Variants in RHOT2 observed in about 807,000 individuals in gnomAD.
RHOT2 encodes the protein ras homolog family member T2, also known as mitochondrial Rho GTPase 2.
In RHOT2, 90 loss-of-function variants were observed where a neutral mutation model predicts 81.6. The ratio of observed to expected loss-of-function variants is 1.10; its 90% confidence interval spans 0.93 to 1.31. RHOT2 has a LOEUF of 1.31. RHOT2 is among the 40% of genes most tolerant of loss of function. The pLI is 0.00. For missense variants in RHOT2, 1,014 were observed against 841.9 expected (o/e 1.20, Z -2.53); for synonymous variants, 512 against 370.9 (o/e 1.38, Z -4.37).
In RHOT2 at chr16:668,345, C is replaced by G. The variant is rs1166999191; in HGVS notation, c.38-8C>G. 1.4e-6 allele frequency: 2 copies of G among 1,396,326 alleles called. No individual in the cohort carries two copies. Among genetic ancestry groups the G allele is most frequent in the Non-Finnish European group, 1.8e-6 (2 of 1,082,128 alleles). The allele number at this position is 1,396,326 out of a possible 1,614,324, so 86.5% of individuals were successfully genotyped here. ...TGGCCCTCGCGCTGACCGCCTCGCCCCGCGCAGCCCAGGTGGGGAAGACGT... is the reference window on the plus strand; with the variant it reads ...TGGCCCTCGCGCTGACCGCCTCGCCGCGCGCAGCCCAGGTGGGGAAGACGT... On this transcript the variant is annotated splice_region_variant and splice_polypyrimidine_tract_variant and intron_variant, in intron 1 of 18. Coordinates refer to ENST00000315082, the MANE Select transcript of RHOT2 (RefSeq NM_138769.3).
At chr16:671,811 C>CCCCTG (rs1567251060) in intron 12 of RHOT2, 30 bp downstream of exon 12, 1 of 1,125,422 alleles carries the variant, frequency 8.9e-7, no homozygotes, top group Non-Finnish European at 1.3e-6. Flanking sequence ...CCTGCCCCTG[C>CCCCTG]CCCCGCCCCC....
upstream of RHOT2, chr16:668,120 G>A (rs1027567483): frequency 2.4e-6 from 1 of 416,372 alleles, no homozygotes. Flanking sequence ...AGTGCGGGGC[G>A]GGCGCGGGGG....
chr16:669,698 C>T, intron 5 of RHOT2, 92 bp downstream of exon 5: 1 of 1,324,856 alleles, frequency 7.5e-7, no homozygotes, highest in Admixed American at 1.7e-5. Flanking sequence ...AGTGCCATCG[C>T]TCACAGCATT....
Position 669,566 on chromosome 16 carries a change from G to T in RHOT2, c.236G>T (p.Cys79Phe), listed in dbSNP as rs895243353. 6.2e-6 allele frequency: 10 copies of T among 1,611,986 alleles called. No homozygotes were observed. The highest frequency in any genetic ancestry group is 1.3e-5 in the African/African-American group (1 of 74,930). The stretch of plus-strand genomic sequence containing the variant: ...CTGTTCCCTCAGGCAAACGTGGTGT[G>T]TGTGGTGTATGACGTCTCTGAGGAG... ...REEIHKANVV[C>F]VVYDVSEEAT... The change falls in exon 5 of 19, where the codon TGT becomes TTT. Residue 79 changes from cysteine to phenylalanine, a missense_variant. Coordinates refer to ENST00000315082, the MANE Select transcript of RHOT2 (RefSeq NM_138769.3).
Position 671,930 on chromosome 16 carries a change from G to A in RHOT2, c.1025G>A (p.Gly342Asp). The A allele has an allele frequency of 6.2e-7, 1 of 1,611,988 alleles. No homozygotes were observed. Among genetic ancestry groups the A allele is most frequent in the Non-Finnish European group, 8.5e-7 (1 of 1,179,824 alleles). Residue 342 changes from glycine to aspartate, a missense_variant, in exon 13 of 19, where the codon GGC becomes GAC. Transcript: ENST00000315082. Reference sequence around the variant, plus strand: ...AGTGTGTTCCCAGCAGCGCCCTGGGGCCCCGAGCTCCCACGCACAGTCCGC... The same window carrying A: ...AGTGTGTTCCCAGCAGCGCCCTGGGACCCCGAGCTCCCACGCACAGTCCGC... Reference protein sequence around the residue: ...LFSVFPAAPWGPELPRTVRTE... With the variant: ...LFSVFPAAPWDPELPRTVRTE...
rs763557999 is a variant in RHOT2, at chr16:672,247, C to T, written c.1196-7C>T. 58 of 1,611,312 alleles carry T rather than the reference C, an allele frequency of 3.6e-5. No homozygotes were observed. The highest frequency in any genetic ancestry group is 6.7e-5 in the Admixed American group (4 of 59,940). On this transcript the variant is annotated splice_polypyrimidine_tract_variant and splice_region_variant and intron_variant, in intron 14 of 18. Transcript: ENST00000315082. ...GCAGCTGCCCTAACCCGTGTCTATCCTCACAGTCACTCGTGAGAAGAGGCT... is the reference window on the plus strand; with the variant it reads ...GCAGCTGCCCTAACCCGTGTCTATCTTCACAGTCACTCGTGAGAAGAGGCT...
Position 673,663 on chromosome 16 carries a change from C to T in RHOT2, c.*57C>T. The T allele has an allele frequency of 1.3e-6, 2 of 1,566,336 alleles. No individual in the cohort carries two copies. Among genetic ancestry groups the T allele is most frequent in the Middle Eastern group, 2.3e-4 (1 of 4,282 alleles). On this transcript the variant is annotated 3_prime_UTR_variant, in exon 19 of 19. Transcript: ENST00000315082. ...CTGGGTGTGCCTCGCTGCTGGGGCT[C>T]TGCAGGGGCAGCACAGCTGGGGTGC...
At chr16:672,901 G>C (rs748261000) in intron 17 of RHOT2, 27 bp from the exon 18 acceptor site, 1 of 1,612,694 alleles carries the variant, frequency 6.2e-7, no homozygotes, top group Non-Finnish European at 8.5e-7. Flanking sequence ...CCCCAGGACT[G>C]TACCTCATAC....
rs2039022426 is a variant in RHOT2, at chr16:671,952, C to G, written c.1047C>G (p.Val349=). The G allele has an allele frequency of 1.2e-6, 2 of 1,612,344 alleles. No individual in the cohort carries two copies. Among genetic ancestry groups the G allele is most frequent in the East Asian group, 4.5e-5 (2 of 44,868 alleles). ...GGGGCCCCGAGCTCCCACGCACAGT[C>G]CGCACAGAGGCCGGCCGGTTGCCCC... is the stretch of plus-strand genomic sequence containing the variant. ...APWGPELPRT[V]RTEAGRLPLH... is the part of the protein sequence containing the mutation. The change falls in exon 13 of 19, where the codon GTC becomes GTG. Residue 349 remains valine, a synonymous_variant. Coordinates refer to ENST00000315082, the MANE Select transcript of RHOT2 (RefSeq NM_138769.3).
Position 670,539 on chromosome 16 carries a change from T to C in RHOT2, c.522T>C (p.Tyr174=). ...KAVLHPTAPL[Y]DPEAKQLRPA... is the part of the protein sequence containing the mutation. ...TCCTGCATCCCACAGCCCCCCTCTA[T>C]GACCCTGAGGCCAAGCAGGTGAGCA... The change falls in exon 8 of 19, where the codon TAT becomes TAC. Residue 174 remains tyrosine, a synonymous_variant. Transcript: ENST00000315082. The C allele has an allele frequency of 3.1e-6, 5 of 1,607,370 alleles. No homozygotes were observed. Among genetic ancestry groups the C allele is most frequent in the African/African-American group, 2.7e-5 (2 of 74,960 alleles).
In RHOT2 at chr16:668,734, G is replaced by C. The variant is rs1034509565; in HGVS notation, c.222+35G>C. 3 of 1,565,464 alleles carry C rather than the reference G, an allele frequency of 1.9e-6. No homozygotes were observed. In the Admixed American group the frequency reaches 5.9e-5, roughly 31 times the overall value. On this transcript the variant is annotated intron_variant, in intron 4 of 18. Coordinates refer to ENST00000315082, the MANE Select transcript of RHOT2 (RefSeq NM_138769.3). ...GTGCGCGGGACGAGGGAGGGGCTGG[G>C]CGCGGGCTCGGCCTAATCCGCTTCG...
intron 4 of RHOT2, 50 bp from the exon 5 acceptor site, chr16:669,503 G>C (rs537708439): frequency 1.7e-5 from 27 of 1,594,648 alleles, no homozygotes; most frequent in Non-Finnish European, 2.2e-5. Context: ...CAGGGTCGTC[G>C]GTGGTGAGCC....
Position 673,481 on chromosome 16 carries a change from C to T in RHOT2, c.1732C>T (p.His578Tyr), listed in dbSNP as rs1348476690. 1.2e-6 allele frequency: 2 copies of T among 1,612,658 alleles called. No homozygotes were observed. Among genetic ancestry groups the T allele is most frequent in the South Asian group, 1.1e-5 (1 of 91,082 alleles). Reference sequence around the variant, plus strand: ...GCAGATGATTCTTCTCTCTTGCAGACATTTGGTCCACGCAGAGCTGCATCC... The same window carrying T: ...GCAGATGATTCTTCTCTCTTGCAGATATTTGGTCCACGCAGAGCTGCATCC... ...TQLATMAAFP[H>Y]LVHAELHPSS... The change falls in exon 19 of 19, where the codon CAT becomes TAT. Residue 578 changes from histidine (H) to tyrosine (Y), a missense_variant and splice_region_variant. Physicochemically the swap from His to Tyr is moderately conservative, Grantham distance 83. Coordinates refer to ENST00000315082, the MANE Select transcript of RHOT2 (RefSeq NM_138769.3).
At chr16:670,380 C>T (rs757149710) in intron 7 of RHOT2, 23 bp downstream of exon 7, 31 of 1,610,552 alleles carry the variant, frequency 1.9e-5, no homozygotes, top group Non-Finnish European at 2.5e-5. Flanking sequence ...CAGGCAGGGC[C>T]GCCTCCTTCA....
chr16:673,631 C>G lies in RHOT2; in HGVS notation c.*25C>G. ...AGGCCCCTGGTACCCAAGCCCCCTC[C>G]CCTGACCTGGGTGTGCCTCGCTGCT... On this transcript the variant is annotated 3_prime_UTR_variant, in exon 19 of 19. Coordinates refer to ENST00000315082, the MANE Select transcript of RHOT2 (RefSeq NM_138769.3). 1 of 1,595,468 alleles carries G rather than the reference C, an allele frequency of 6.3e-7. No homozygotes were observed. Among genetic ancestry groups the G allele is most frequent in the Non-Finnish European group, 8.5e-7 (1 of 1,173,000 alleles).
Position 672,378 on chromosome 16 carries a change from C to A in RHOT2, c.1320C>A (p.Gly440=). ...TCCTGCAGGCCTTTCTCGGCCGCGG[C>A]CTGGGGGTAAGCACCCTAGACTCCC... ...SAFLQAFLGR[G]LGHQDTREQP... The change falls in exon 15 of 19, where the codon GGC becomes GGA. Residue 440 remains glycine, a synonymous_variant. Transcript: ENST00000315082. The A allele has an allele frequency of 1.2e-6, 2 of 1,609,810 alleles. No individual in the cohort carries two copies. The highest frequency in any genetic ancestry group is 1.7e-6 in the Non-Finnish European group (2 of 1,178,232).
rs2038435432 is a variant in RHOT2, at chr16:669,050, A to G, written c.222+351A>G. 1.2e-5 allele frequency: 5 copies of G among 421,104 alleles called. No homozygotes were observed. The South Asian group carries it at 1.7e-4, about 14-fold the overall frequency. 26.1% of individuals were successfully genotyped at this position (421,104 alleles called of 1,614,324 possible). A position where few individuals can be genotyped will look rare whatever the true frequency, so the allele number is the denominator to read the frequency against. On this transcript the variant is annotated intron_variant, in intron 4 of 18. Transcript: ENST00000315082. ...CCGGGCACCCGGAGCTCCCAGTACC[A>G]GAGCACGTGTGCCGGGGACATCTCC...
At chr16:669,506 G>C in intron 4 of RHOT2, 47 bp from the exon 5 acceptor site, 4 of 1,599,764 alleles carry the variant, frequency 2.5e-6, no homozygotes, top group Non-Finnish European at 3.4e-6. Context: ...GGTCGTCGGT[G>C]GTGAGCCAGC....
intron 4 of RHOT2, chr16:669,338 C>G: frequency 1.7e-6 from 1 of 595,946 alleles, no homozygotes. Context: ...GGTTCAGCAG[C>G]AGCTCCCAGT....
Sources: allele counts gnomAD v4.1 joint callset, GRCh38; gene constraint gnomAD v4.1.1; transcripts MANE v1.5; gene names NCBI Gene and HGNC (gene_info 2026-07-23, HGNC 2026-07-21).